Variants in CCDC73 observed in about 807,000 individuals in gnomAD.
CCDC73 encodes coiled-coil domain-containing protein 73.
A neutral mutation model predicts 116.5 loss-of-function variants in CCDC73; 95 were observed. The ratio of observed to expected loss-of-function variants is 0.82; its 90% CI spans 0.69 to 0.97. CCDC73 has a LOEUF of 0.97. Ranked by LOEUF, CCDC73 falls within the 50% of genes least tolerant of loss-of-function variation. The probability of loss-of-function intolerance (pLI) is 0.00; values close to 1 mark genes in which losing one functional copy is unlikely to be tolerated. For missense variants in CCDC73, 1,066 were observed against 1,206.8 expected, an observed-to-expected ratio of 0.88 and a Z score of 1.73; for synonymous variants, 398 against 401.3, an observed-to-expected ratio of 0.99 and a Z score of 0.10.
rs1452568834 is a variant in CCDC73 at position 32,616,128 on chromosome 11, T to G, written c.1187A>C (p.Asn396Thr). ...GTTTTCATTATTTACTTCTGGAACA[T>G]TCTAGTGTAAAATGGAAGAGATTCT... ...KTFEEDKKFQ[N>T]VPEVNNENSE... The change falls in exon 15 of 18, where the codon AAT (asparagine) becomes ACT (threonine). Residue 396 changes from asparagine (N) to threonine (T), a missense_variant and splice_region_variant. Transcript: ENST00000335185. The G allele has an allele frequency of 6.4e-7, 1 of 1,564,780 alleles. No individual in the cohort carries two copies. The highest frequency in any genetic ancestry group is 8.6e-7 in the Non-Finnish European group (1 of 1,162,810).
At chr11:32,639,889 C>T (rs1221442511) in intron 13 of CCDC73, among the ~76,000 whole-genome samples, 1 of 152,072 alleles carries the variant, frequency 6.6e-6, no homozygotes, top group Non-Finnish European at 1.5e-5. Context: ...TTTAATATTT[C>T]AATGAATTTT....
the CCDC73 span, among the ~76,000 whole-genome samples, chr11:32,807,575 T>C: frequency 7.0e-6 from 1 of 143,306 alleles, no homozygotes; most frequent in Non-Finnish European, 1.5e-5. Flanking sequence ...TCTTATGACA[T>C]TATGGGATTT....
At chr11:32,756,639 G>A (rs979612722) in intron 2 of CCDC73, among the ~76,000 whole-genome samples, 1 of 151,260 alleles carries the variant, frequency 6.6e-6, no homozygotes, top group Non-Finnish European at 1.5e-5. Context: ...CTTAACTGAA[G>A]AATATCTGTA....
At chr11:32,749,651 C>T (rs535160432) in intron 2 of CCDC73, among the ~76,000 whole-genome samples, 4 of 151,960 alleles carry the variant, frequency 2.6e-5, no homozygotes, top group Non-Finnish European at 4.4e-5. Flanking sequence ...CTTTTTGTAC[C>T]CATCCTTCTT....
intron 12 of CCDC73, among the ~76,000 whole-genome samples, chr11:32,645,296 T>TC (rs1047416242): frequency 1.3e-4 from 13 of 97,214 alleles, no homozygotes; most frequent in South Asian, 1.1e-3. Flanking sequence ...TTTTTCTTTT[T>TC]TTTTTTTTTT....
chr11:32,820,296 GCATGTGA>G, the CCDC73 span, among the ~76,000 whole-genome samples: 1 of 152,012 alleles, frequency 6.6e-6, no homozygotes, highest in South Asian at 2.1e-4. Flanking sequence ...GGAACTATAG[GCATGTGA>G]CACCACGCCC....
chr11:32,793,074 T>C (rs180867719), intron 1 of CCDC73, among the ~76,000 whole-genome samples: 240 of 152,310 alleles, frequency 1.6e-3, no homozygotes, highest in Non-Finnish European at 2.7e-3. Context: ...TGGTGGACAC[T>C]CGGAATTTAA....
At chr11:32,803,854 T>C in the CCDC73 span, among the ~76,000 whole-genome samples, 1 of 152,196 alleles carries the variant, frequency 6.6e-6, no homozygotes, top group East Asian at 1.9e-4. Context: ...GTCACCAGGC[T>C]GGAGTGCAGT....
At chr11:32,616,794 C>G (rs568080668) in intron 14 of CCDC73, among the ~76,000 whole-genome samples, 1 of 152,190 alleles carries the variant, frequency 6.6e-6, no homozygotes, top group African/African-American at 2.4e-5. Context: ...CCTCAAAAAA[C>G]TTACAGTCTG....
intron 9 of CCDC73, among the ~76,000 whole-genome samples, chr11:32,663,041 G>A (rs978577396): frequency 6.6e-6 from 1 of 151,998 alleles, no homozygotes; most frequent in Admixed American, 6.5e-5. Flanking sequence ...TGTTCCATTG[G>A]TCTATATCTC....
At chr11:32,806,824 A>G in the CCDC73 span, among the ~76,000 whole-genome samples, 2 of 152,178 alleles carry the variant, frequency 1.3e-5, no homozygotes, top group Admixed American at 6.5e-5. Context: ...TAGGTCTGAC[A>G]TGGGCCCCAG....
intron 13 of CCDC73, among the ~76,000 whole-genome samples, chr11:32,640,057 T>C (rs956517172): frequency 1.3e-5 from 2 of 152,194 alleles, no homozygotes; most frequent in African/African-American, 2.4e-5. Context: ...CCAATCTCAG[T>C]AGCCACACTA....
intron 2 of CCDC73, among the ~76,000 whole-genome samples, chr11:32,742,398 A>G (rs1028633437): frequency 6.6e-6 from 1 of 152,102 alleles, no homozygotes. Context: ...GCATTTCTCT[A>G]ATGACCAGCA....
intron 14 of CCDC73, among the ~76,000 whole-genome samples, chr11:32,619,998 CAA>C (rs1855509553): frequency 6.6e-6 from 1 of 151,864 alleles, no homozygotes; most frequent in Admixed American, 6.6e-5. Flanking sequence ...AAGGGAGAGG[CAA>C]AGAGAGAGAA....
At chr11:32,679,798 TA>T (rs1292266802) in intron 7 of CCDC73, 1 of 152,204 alleles carries the variant, frequency 6.6e-6, no homozygotes, top group Non-Finnish European at 1.5e-5. Context: ...ATAAAATAGG[TA>T]GTCAATGCCT....
chr11:32,699,242 T>G lies in CCDC73; in HGVS notation c.390+9A>C. On this transcript the variant is annotated intron_variant, in intron 6 of 17. Transcript: ENST00000335185. ...AACTACTTTTTAAACAATACGTAGTTATTTTTACCTGTAGTGCTTTTAATG... is the reference window on the plus strand; with the variant it reads ...AACTACTTTTTAAACAATACGTAGTGATTTTTACCTGTAGTGCTTTTAATG... 1.3e-6 allele frequency: 2 copies of G among 1,574,334 alleles called. No individual in the cohort carries two copies. Among genetic ancestry groups the G allele is most frequent in the Non-Finnish European group, 1.7e-6 (2 of 1,156,630 alleles).
rs1565078708 is a variant in CCDC73, at chr11:32,698,010, AATTTTTTT to A, written c.390+1233_390+1240del. On this transcript the variant is annotated intron_variant, in intron 6 of 17. Transcript: ENST00000335185. ...TCTGTTGTTTCTTTGTCTAACACTG[AATTTTTTT>A]TTTTTTTTTTTTTTTTTTTTTTTTG... is the stretch of plus-strand genomic sequence containing the variant. Among the ~76,000 whole-genome samples, 9 of 117,742 alleles carry A rather than the reference AATTTTTTT, an allele frequency of 7.6e-5. 2 individuals carry two copies. Among genetic ancestry groups the A allele is most frequent in the African/African-American group, 2.7e-4 (8 of 29,960 alleles). 77.2% of individuals were successfully genotyped at this position (117,742 alleles called of 152,430 possible). A position where few individuals can be genotyped will look rare whatever the true frequency, so the allele number is the denominator to read the frequency against.
chr11:32,687,422 G>A (rs1856211941), intron 6 of CCDC73, among the ~76,000 whole-genome samples: 1 of 152,054 alleles, frequency 6.6e-6, no homozygotes, highest in Admixed American at 6.6e-5. Flanking sequence ...GGAAAGAGGG[G>A]GCAGCAGAAT....
chr11:32,759,391 C>T (rs1213283260), intron 2 of CCDC73, among the ~76,000 whole-genome samples: 4 of 140,628 alleles, frequency 2.8e-5, no homozygotes, highest in East Asian at 4.4e-4. Flanking sequence ...AGTGCAGTGG[C>T]GTGATCTTGG....
Sources: allele counts gnomAD v4.1 joint callset (sites outside exome capture counted in the v4.1 genomes callset), GRCh38; gene constraint gnomAD v4.1.1; transcripts MANE v1.5; gene names NCBI Gene and HGNC (gene_info 2026-07-23, HGNC 2026-07-21).